The following PON1 variants were observed in gnomAD, a reference collection of about 807,000 sequenced individuals.
PON1 encodes paraoxonase 1.
Under a neutral mutation model 39.2 loss-of-function variants are expected in PON1, and 37 were observed. That is an observed-to-expected ratio of 0.94 (90% confidence interval 0.73 to 1.24). The LOEUF (loss-of-function observed/expected upper bound fraction) is 1.24, where lower values mean the gene tolerates loss of function less well. Among genes scored for constraint, PON1 ranks in the 50% most tolerant of loss-of-function variants. PON1 has a pLI of 0.00. For synonymous variants in PON1, 148 were observed against 152.2 expected, an observed-to-expected ratio of 0.97 and a Z score of 0.21; for missense variants, 397 against 413.5, an observed-to-expected ratio of 0.96 and a Z score of 0.35.
At chr7:95,311,164 T>C (rs1807643940) in intron 5 of PON1, among the ~76,000 whole-genome samples, 1 of 138,264 alleles carries the variant, frequency 7.2e-6, no homozygotes, top group South Asian at 2.3e-4. Flanking sequence ...AAATACTAAG[T>C]CTGGTTCTGA....
At chr7:95,302,109 A>AC (rs994333685) in intron 8 of PON1, 96 bp downstream of exon 8, 18 of 825,684 alleles carry the variant, frequency 2.2e-5, no homozygotes, top group South Asian at 3.6e-5. Flanking sequence ...AAAAAAAAAA[A>AC]AAAAAAAAAA....
chr7:95,315,084 T>C (rs943626871), intron 4 of PON1, among the ~76,000 whole-genome samples: 2 of 152,206 alleles, frequency 1.3e-5, no homozygotes, highest in African/African-American at 4.8e-5. Context: ...AATGTGAATG[T>C]TAGTATTTTA....
chr7:95,298,743 C>A lies in PON1; in HGVS notation c.*201G>T. On this transcript the variant is annotated 3_prime_UTR_variant, in exon 9 of 9. Coordinates refer to ENST00000222381, the MANE Select transcript of PON1 (RefSeq NM_000446.7). ...ATGGTAAATGAGGTTTTCAAGTATT[C>A]CAAGACTGATTTGATAGTGTATTCT... 1 of 647,854 alleles carries A rather than the reference C, an allele frequency of 1.5e-6. No homozygotes were observed. The highest frequency in any genetic ancestry group is 1.8e-5 in the South Asian group (1 of 54,600). The allele number at this position is 647,854 out of a possible 1,614,324, so 40.1% of individuals were successfully genotyped here.
Position 95,306,355 on chromosome 7 carries a change from A to G in PON1, c.710T>C (p.Ile237Thr). ...NISPDGKYVY[I>T]AELLAHKIHV... ...AATCTTATGAGCCAGCAACTCAGCT[A>G]TATAGACATACCTTCAAAGAAGAAA... The change falls in exon 7 of 9, where the codon ATA (isoleucine) becomes ACA (threonine). Residue 237 changes from isoleucine (I) to threonine (T), a missense_variant. Transcript: ENST00000222381. The G allele has an allele frequency of 6.2e-7, 1 of 1,608,154 alleles. No homozygotes were observed. The highest frequency in any genetic ancestry group is 1.1e-5 in the South Asian group (1 of 90,984).
At chr7:95,312,317 C>T (rs1255524431) in intron 4 of PON1, among the ~76,000 whole-genome samples, 1 of 152,142 alleles carries the variant, frequency 6.6e-6, no homozygotes, top group Non-Finnish European at 1.5e-5. Flanking sequence ...CCTCAGCCTC[C>T]CAAGTAGCTG....
In PON1 at chr7:95,298,769, CA is replaced by C. The variant is rs202015659; in HGVS notation, c.*174del. The C allele has an allele frequency of 1.2e-4, 86 of 741,924 alleles. No individual in the cohort carries two copies. Among genetic ancestry groups the C allele is most frequent in the South Asian group, 1.4e-4 (9 of 62,530 alleles). 46.0% of individuals were successfully genotyped at this position (741,924 alleles called of 1,614,324 possible). A position where few individuals can be genotyped will look rare whatever the true frequency, so the allele number is the denominator to read the frequency against. ...CAAGACTGATTTGATAGTGTATTCTCAAAAAAAAGCCCTACACATCATATCA... is the reference window on the plus strand; with the variant it reads ...CAAGACTGATTTGATAGTGTATTCTCAAAAAAAGCCCTACACATCATATCA... On this transcript the variant is annotated 3_prime_UTR_variant, in exon 9 of 9. Coordinates refer to ENST00000222381, the MANE Select transcript of PON1 (RefSeq NM_000446.7).
At chr7:95,312,574 A>C (rs1452718550) in intron 4 of PON1, among the ~76,000 whole-genome samples, 1 of 152,266 alleles carries the variant, frequency 6.6e-6, no homozygotes, top group Non-Finnish European at 1.5e-5. Flanking sequence ...TATTATCTTC[A>C]TGGGAGTCAG....
In PON1 at chr7:95,314,250, C is replaced by T. The variant is rs554230299; in HGVS notation, c.370+1072G>A. On this transcript the variant is annotated intron_variant, in intron 4 of 8. Transcript: ENST00000222381. ...CGGCATGCACCTGTGGTCCCCGCTA[C>T]TCAGGAGGCTGAGGCAGGAGAATTG... Among the ~76,000 whole-genome samples, 63 of 152,218 alleles carry T rather than the reference C, an allele frequency of 4.1e-4. 2 individuals carry two copies. The highest frequency in any genetic ancestry group is 1.5e-3 in the African/African-American group (62 of 41,538).
chr7:95,319,386 A>T (rs1354613308), intron 1 of PON1, among the ~76,000 whole-genome samples: 1 of 152,142 alleles, frequency 6.6e-6, no homozygotes, highest in Non-Finnish European at 1.5e-5. Flanking sequence ...TTCAGAAAAA[A>T]ATGAGTACAT....
Position 95,298,794 on chromosome 7 carries a change from C to T in PON1, c.*150G>A, listed in dbSNP as rs868644285. 4.6e-5 allele frequency: 43 copies of T among 935,826 alleles called. 2 individuals carry two copies. In the South Asian group the frequency reaches 5.1e-4, roughly 11 times the overall value. 58.0% of individuals were successfully genotyped at this position (935,826 alleles called of 1,614,324 possible). A position where few individuals can be genotyped will look rare whatever the true frequency, so the allele number is the denominator to read the frequency against. ...CAAAAAAAAGCCCTACACATCATAT[C>T]ACTCCCAGTTAAACAGTGCTTTGAT... On this transcript the variant is annotated 3_prime_UTR_variant, in exon 9 of 9. Transcript: ENST00000222381.
intron 7 of PON1, among the ~76,000 whole-genome samples, chr7:95,304,028 A>G (rs1807488238): frequency 6.6e-6 from 1 of 152,154 alleles, no homozygotes; most frequent in Admixed American, 6.5e-5. Flanking sequence ...TGTAAAACTC[A>G]GTGGCATTAA....
chr7:95,303,293 G>A (rs756975659), intron 7 of PON1, among the ~76,000 whole-genome samples: 14 of 152,238 alleles, frequency 9.2e-5, no homozygotes, highest in South Asian at 6.2e-4. Context: ...CCTCAGTCTC[G>A]CCACCATGCA....
At chr7:95,318,694 C>A in intron 1 of PON1, 1 of 326,972 alleles carries the variant, frequency 3.1e-6, no homozygotes, top group Non-Finnish European at 5.8e-6. Context: ...GTAAGGACTC[C>A]TAGGTGGAAA....
intron 1 of PON1, among the ~76,000 whole-genome samples, chr7:95,323,693 C>A (rs1342614667): frequency 6.6e-6 from 1 of 152,100 alleles, no homozygotes; most frequent in African/African-American, 2.4e-5. Context: ...TAAAGGGAAG[C>A]AGGGAACTAA....
intron 3 of PON1, 107 bp from the exon 4 acceptor site, chr7:95,315,597 G>T (rs1162855558): frequency 1.7e-6 from 2 of 1,209,770 alleles, no homozygotes; most frequent in East Asian, 2.4e-5. Flanking sequence ...AAACCACAGG[G>T]CTAGCCAGAT....
At position 95,316,730 on chromosome 7, in the gene PON1, T is replaced by C; in HGVS notation, c.201+4A>G. 1 of 1,612,150 alleles carries C rather than the reference T, an allele frequency of 6.2e-7. No homozygotes were observed. Among genetic ancestry groups the C allele is most frequent in the Non-Finnish European group, 8.5e-7 (1 of 1,178,294 alleles). ...AACACAGAAAAGTGAAAGAAAACAC[T>C]CACAGAGCTAATGAAAGCCAGTCCA... On this transcript the variant is annotated splice_donor_region_variant and intron_variant, in intron 3 of 8. Coordinates refer to ENST00000222381, the MANE Select transcript of PON1 (RefSeq NM_000446.7).
At chr7:95,315,087 G>T (rs1161905560) in intron 4 of PON1, among the ~76,000 whole-genome samples, 3 of 152,132 alleles carry the variant, frequency 2.0e-5, no homozygotes, top group Non-Finnish European at 2.9e-5. Flanking sequence ...GTGAATGTTA[G>T]TATTTTACAA....
intron 5 of PON1, among the ~76,000 whole-genome samples, chr7:95,310,376 G>T (rs989320194): frequency 6.6e-6 from 1 of 152,052 alleles, no homozygotes; most frequent in Non-Finnish European, 1.5e-5. Flanking sequence ...TTTAAATCTT[G>T]GTGTTCCTCA....
In PON1 at chr7:95,298,982, C is replaced by A. The variant is rs368206333; in HGVS notation, c.1030G>T (p.Gly344Cys). 71 of 1,614,124 alleles carry A rather than the reference C, an allele frequency of 4.4e-5. No homozygotes were observed. In the African/African-American group the frequency reaches 8.5e-4, roughly 19 times the overall value. The change falls in exon 9 of 9, where the codon GGC becomes TGC. Residue 344 changes from glycine (G) to cysteine (C), a missense_variant. Physicochemically the swap from Gly to Cys is radical, Grantham distance 159. Coordinates refer to ENST00000222381, the MANE Select transcript of PON1 (RefSeq NM_000446.7). ...ASVYKGKLLIGTVFHKALYCE... is the reference protein window; with the variant it reads ...ASVYKGKLLICTVFHKALYCE... ...TAAAGAGCTTTGTGAAACACTGTGC[C>A]AATCAGCAGTTTCCCTTTGTACACA...
Sources: gnomAD v4.1 joint callset for allele counts (sites outside exome capture counted in the v4.1 genomes callset) on GRCh38, gnomAD v4.1.1 for gene constraint, MANE v1.5 for transcripts, NCBI Gene and HGNC (gene_info 2026-07-23, HGNC 2026-07-21) for gene names.